DCUN1D2: variants seen among roughly 807,000 people sequenced by gnomAD.
The protein encoded by DCUN1D2 is defective in cullin neddylation 1 domain containing 2, also known as DCN1-like protein 2.
DCUN1D2 carries 29 observed loss-of-function variants against 30.9 expected under a neutral mutation model. That is an observed-to-expected ratio of 0.94 (90% confidence interval 0.70 to 1.28). The LOEUF (loss-of-function observed/expected upper bound fraction) is 1.28. Ranked by LOEUF, DCUN1D2 falls within the 50% of genes most tolerant of loss-of-function variation. DCUN1D2 has a pLI of 0.00. For synonymous variants in DCUN1D2, 121 were observed against 115.3 expected (o/e 1.05, Z -0.32); for missense variants, 325 against 316.9 (o/e 1.03, Z -0.19).
intron 1 of DCUN1D2, chr13:113,489,231 G>A: frequency 1.3e-6 from 1 of 779,928 alleles, no homozygotes; most frequent in Middle Eastern, 6.6e-4. Context: ...CTCGGCAGCA[G>A]TGGAACGCTC....
chr13:113,490,579 T>C lies in DCUN1D2; in HGVS notation c.3+88A>G. 1 of 1,154,436 alleles carries C rather than the reference T, an allele frequency of 8.7e-7. No homozygotes were observed. The highest frequency in any genetic ancestry group is 1.1e-6 in the Non-Finnish European group (1 of 921,720). 71.5% of individuals were successfully genotyped at this position (1,154,436 alleles called of 1,614,324 possible). ...CCCGCGCAGCTCGCTGGGCTCGGCC[T>C]CCCACATCCAGCGCGCCGCCTGCGC... On this transcript the variant is annotated intron_variant, in intron 1 of 6. Coordinates refer to ENST00000478244, the MANE Select transcript of DCUN1D2 (RefSeq NM_001014283.2). The surrounding 1 kb of genome is among the most constrained non-coding windows in gnomAD (Gnocchi z 5.2).
intron 4 of DCUN1D2, among the ~76,000 whole-genome samples, chr13:113,470,742 T>A (rs536892433): frequency 1.2e-4 from 18 of 145,552 alleles, no homozygotes; most frequent in Middle Eastern, 8.3e-3. Flanking sequence ...GGGACCCAAC[T>A]CCACAGGGGA....
Position 113,459,383 on chromosome 13 carries a change from C to T in DCUN1D2, c.629G>A (p.Arg210Lys). 6.3e-7 allele frequency: 1 copy of T among 1,589,848 alleles called. No individual in the cohort carries two copies. Among genetic ancestry groups the T allele is most frequent in the South Asian group, 1.1e-5 (1 of 90,566 alleles). Residue 210 changes from arginine to lysine, a missense_variant, in exon 6 of 7, where the codon AGG becomes AAG. Transcript: ENST00000478244. ...LMEHHKRSIP[R>K]DTWNLLLDFG... ...GTCCAGCAGGAGGTTCCAGGTGTCC[C>T]TTGGAATTGATCTTTTGTGATGTTC...
chr13:113,490,657 G>A lies in DCUN1D2; in HGVS notation c.3+10C>T, dbSNP rs1594138031. Reference sequence around the variant, plus strand: ...ACCCCGACGGGCAGAGGCGACGCCGGGCCACCTACCATCTCCCCCGCGCCG... The same window carrying A: ...ACCCCGACGGGCAGAGGCGACGCCGAGCCACCTACCATCTCCCCCGCGCCG... On this transcript the variant is annotated intron_variant, in intron 1 of 6. Coordinates refer to ENST00000478244, the MANE Select transcript of DCUN1D2 (RefSeq NM_001014283.2). This position sits in a 1 kb window ranked among gnomAD's most constrained non-coding sequence, Gnocchi z 5.2. 3.2e-6 allele frequency: 4 copies of A among 1,248,982 alleles called. No homozygotes were observed. The highest frequency in any genetic ancestry group is 3.0e-6 in the Non-Finnish European group (3 of 996,322). The allele number at this position is 1,248,982 out of a possible 1,614,324, so 77.4% of individuals were successfully genotyped here. A position where few individuals can be genotyped will look rare whatever the true frequency, so the allele number is the denominator to read the frequency against.
Position 113,490,558 on chromosome 13 carries a change from C to A in DCUN1D2, c.3+109G>T, listed in dbSNP as rs2044943535. 2 of 1,083,966 alleles carry A rather than the reference C, an allele frequency of 1.8e-6. No individual in the cohort carries two copies. The highest frequency in any genetic ancestry group is 3.6e-4 in the Middle Eastern group (1 of 2,816). The allele number at this position is 1,083,966 out of a possible 1,614,324, so 67.1% of individuals were successfully genotyped here. A position where few individuals can be genotyped will look rare whatever the true frequency, so the allele number is the denominator to read the frequency against. On this transcript the variant is annotated intron_variant, in intron 1 of 6. Transcript: ENST00000478244. The surrounding 1 kb of genome is among the most constrained non-coding windows in gnomAD (Gnocchi z 5.2). Reference sequence around the variant, plus strand: ...CCTCGGATCCACGCGGAACGCCCCGCGCAGCTCGCTGGGCTCGGCCTCCCA... The same window carrying A: ...CCTCGGATCCACGCGGAACGCCCCGAGCAGCTCGCTGGGCTCGGCCTCCCA...
At chr13:113,473,956 G>C (rs1358425567) in intron 4 of DCUN1D2, among the ~76,000 whole-genome samples, 168 bp downstream of exon 4, 2 of 152,218 alleles carry the variant, frequency 1.3e-5, no homozygotes, top group Admixed American at 6.5e-5. Context: ...AGTGAGCTGT[G>C]ATTGCACCAC....
Position 113,456,366 on chromosome 13 carries a change from G to C in DCUN1D2, c.*1663C>G. ...AGAAACATCGACAGTTCGTCCTGCAGCCTCCAAGCACACTAACCTCAGCCA... is the reference window on the plus strand; with the variant it reads ...AGAAACATCGACAGTTCGTCCTGCACCCTCCAAGCACACTAACCTCAGCCA... On this transcript the variant is annotated 3_prime_UTR_variant, in exon 7 of 7. Transcript: ENST00000478244. 2.5e-6 allele frequency: 1 copy of C among 398,876 alleles called. No homozygotes were observed. The highest frequency in any genetic ancestry group is 4.4e-6 in the Non-Finnish European group (1 of 226,260). The allele number at this position is 398,876 out of a possible 1,614,324, so 24.7% of individuals were successfully genotyped here.
chr13:113,479,430 A>G (rs1479048238), intron 3 of DCUN1D2, among the ~76,000 whole-genome samples: 1 of 152,132 alleles, frequency 6.6e-6, no homozygotes, highest in African/African-American at 2.4e-5. Context: ...AGTTGTATCT[A>G]TTTTAAACAA....
rs181784407 is a variant in DCUN1D2 at position 113,487,232 on chromosome 13, T to C, written c.4-3176A>G. Among the ~76,000 whole-genome samples, 221 of 152,224 alleles carry C rather than the reference T, an allele frequency of 1.5e-3. 1 individual carries two copies. Among genetic ancestry groups the C allele is most frequent in the African/African-American group, 4.9e-3 (205 of 41,522 alleles). ...AAGAATTACCTCAAAAACCTTAGGA[T>C]AAAGACAGAAGTGCAGCCCCCAAAA... On this transcript the variant is annotated intron_variant, in intron 1 of 6. Transcript: ENST00000478244.
intron 4 of DCUN1D2, chr13:113,462,910 TAA>T (rs945919159): frequency 8.1e-7 from 1 of 1,238,586 alleles, no homozygotes; most frequent in African/African-American, 1.6e-5. Context: ...GAAAAAAAAA[TAA>T]AGTTTTATGG....
Position 113,490,271 on chromosome 13 carries a change from C to G in DCUN1D2, c.3+396G>C, listed in dbSNP as rs1372994664. On this transcript the variant is annotated intron_variant, in intron 1 of 6. Coordinates refer to ENST00000478244, the MANE Select transcript of DCUN1D2 (RefSeq NM_001014283.2). The surrounding 1 kb of genome is among the most constrained non-coding windows in gnomAD (Gnocchi z 5.2). ...TCCTTGCGCTGTTTTGGTCAACAGC[C>G]TCAGCATCTGCACAGACGCCCGCAG... 6.6e-6 allele frequency among the ~76,000 whole-genome samples: 1 copy of G among 152,220 alleles called. No individual in the cohort carries two copies. The highest frequency in any genetic ancestry group is 1.5e-5 in the Non-Finnish European group (1 of 68,032).
intron 1 of DCUN1D2, among the ~76,000 whole-genome samples, chr13:113,489,653 G>C (rs2044889303): frequency 1.3e-5 from 2 of 152,000 alleles, no homozygotes; most frequent in African/African-American, 4.8e-5. Flanking sequence ...CTGTGCCTTA[G>C]CCAGGACAAT....
Position 113,459,425 on chromosome 13 carries a change from A to T in DCUN1D2, c.604-17T>A. The T allele has an allele frequency of 8.1e-7, 1 of 1,238,570 alleles. No homozygotes were observed. Among genetic ancestry groups the T allele is most frequent in the Non-Finnish European group, 1.2e-6 (1 of 850,536 alleles). The allele number at this position is 1,238,570 out of a possible 1,614,324, so 76.7% of individuals were successfully genotyped here. ...GTGATGTTCCTAATATATGAGAGAA[A>T]AAAAAAACCCACCAGGTTTAAAATA... On this transcript the variant is annotated splice_polypyrimidine_tract_variant and intron_variant, in intron 5 of 6. Transcript: ENST00000478244.
At chr13:113,459,025 T>C (rs2044274496) in intron 6 of DCUN1D2, among the ~76,000 whole-genome samples, 1 of 152,232 alleles carries the variant, frequency 6.6e-6, no homozygotes, top group Non-Finnish European at 1.5e-5. Flanking sequence ...ACTGAGAATC[T>C]GGGAGTGGTG....
Position 113,459,376 on chromosome 13 carries a change from G to T in DCUN1D2, c.636C>A (p.Thr212=). 1 of 1,596,366 alleles carries T rather than the reference G, an allele frequency of 6.3e-7. No homozygotes were observed. The highest frequency in any genetic ancestry group is 8.6e-7 in the Non-Finnish European group (1 of 1,164,010). ...TTCCAAAGTCCAGCAGGAGGTTCCA[G>T]GTGTCCCTTGGAATTGATCTTTTGT... ...EHHKRSIPRD[T]WNLLLDFGNM... The change falls in exon 6 of 7, where the codon ACC becomes ACA. Residue 212 remains threonine, a synonymous_variant. Coordinates refer to ENST00000478244, the MANE Select transcript of DCUN1D2 (RefSeq NM_001014283.2).
chr13:113,474,109 G>T lies in DCUN1D2; in HGVS notation c.520+15C>A. The T allele has an allele frequency of 6.2e-7, 1 of 1,605,976 alleles. No homozygotes were observed. Among genetic ancestry groups the T allele is most frequent in the Non-Finnish European group, 8.5e-7 (1 of 1,173,680 alleles). The stretch of plus-strand genomic sequence containing the variant: ...TTATGATCTGGCATTTTACGTATTT[G>T]GATTTCATACTCACCTAAACCTTTC... On this transcript the variant is annotated intron_variant, in intron 4 of 6. Coordinates refer to ENST00000478244, the MANE Select transcript of DCUN1D2 (RefSeq NM_001014283.2).
At chr13:113,458,316 T>C (rs2044259887) in intron 6 of DCUN1D2, among the ~76,000 whole-genome samples, 2 of 152,238 alleles carry the variant, frequency 1.3e-5, no homozygotes, top group African/African-American at 4.8e-5. Flanking sequence ...GTGTGTGTGC[T>C]GGCATGTCTA....
intron 4 of DCUN1D2, among the ~76,000 whole-genome samples, chr13:113,465,669 CTTT>C (rs5806991): frequency 9.5e-5 from 13 of 136,184 alleles, no homozygotes; most frequent in East Asian, 4.2e-4. Flanking sequence ...TGTCTATTTG[CTTT>C]TTTTTTTTTT....
intron 4 of DCUN1D2, among the ~76,000 whole-genome samples, chr13:113,472,051 T>C (rs1310993761): frequency 6.6e-6 from 1 of 152,108 alleles, no homozygotes; most frequent in Non-Finnish European, 1.5e-5. Context: ...CCTTTTCTTT[T>C]CCGCTACTCA....
Sources: allele counts gnomAD v4.1 joint callset (sites outside exome capture counted in the v4.1 genomes callset), GRCh38; gene constraint gnomAD v4.1.1; non-coding constraint Gnocchi (gnomAD v3.1); transcripts MANE v1.5; gene names NCBI Gene and HGNC (gene_info 2026-07-23, HGNC 2026-07-21).